SSUH2: variants seen among roughly 807,000 people sequenced by gnomAD.
SSUH2 encodes ssu-2 homolog, also known as protein SSUH2 homolog.
In SSUH2, 47 loss-of-function variants were observed where a neutral mutation model predicts 55.3. The observed-to-expected ratio is 0.85, with a 90% confidence interval of 0.67 to 1.08. SSUH2 has a LOEUF of 1.08. Among genes scored for constraint, SSUH2 ranks in the 50% least tolerant of loss-of-function variants. The probability of loss-of-function intolerance (pLI) is 0.00; values close to 1 mark genes in which losing one functional copy is unlikely to be tolerated. For missense variants in SSUH2, 535 were observed against 490.7 expected, an observed-to-expected ratio of 1.09 and a Z score of -0.85; for synonymous variants, 212 against 191.5, an observed-to-expected ratio of 1.11 and a Z score of -0.89.
chr3:8,679,492 T>C (rs1705802693), intron 2 of SSUH2, among the ~76,000 whole-genome samples: 2 of 147,688 alleles, frequency 1.4e-5, no homozygotes, highest in African/African-American at 2.5e-5. Context: ...CCAGCCCCTA[T>C]TCCCCCCCTG....
chr3:8,679,324 GCCCCTCTTCCC>G (rs1575415238), intron 2 of SSUH2, among the ~76,000 whole-genome samples: 2 of 40,480 alleles, frequency 4.9e-5, no homozygotes, highest in East Asian at 1.5e-3. Context: ...CTAAGAGCCA[GCCCCTCTTCCC>G]GCCCCTTGCT....
intron 3 of SSUH2, among the ~76,000 whole-genome samples, chr3:8,673,821 T>C (rs115635203): frequency 0.08 from 12,101 of 152,110 alleles, 1,519 homozygotes; most frequent in African/African-American, 0.27. Flanking sequence ...GGAAGCTCTC[T>C]TGGAAGCATT....
chr3:8,681,131 T>C (rs1302153034), intron 1 of SSUH2, among the ~76,000 whole-genome samples: 1 of 104,106 alleles, frequency 9.6e-6, no homozygotes, highest in Non-Finnish European at 2.3e-5. Context: ...CAGCCCCTCT[T>C]CCCCCCCTGC....
chr3:8,654,958 A>G lies in SSUH2; in HGVS notation c.-307+3967T>C, dbSNP rs1327851679. The stretch of plus-strand genomic sequence containing the variant: ...ATCACAGTGGGTGGCCTCATCCCCC[A>G]GTCTCAGTGTGTGGCCTCCCCAAGA... On this transcript the variant is annotated intron_variant, in intron 7 of 18. Coordinates refer to the SSUH2 transcript ENST00000317371. 1.1e-3 allele frequency among the ~76,000 whole-genome samples: 53 copies of G among 48,986 alleles called. 1 individual carries two copies. The highest frequency in any genetic ancestry group is 9.1e-3 in the South Asian group (7 of 768). The allele number at this position is 48,986 out of a possible 152,430, so 32.1% of individuals were successfully genotyped here.
At chr3:8,640,451 AATTTGGCAGGTAAGGTCCCTAC>A (rs1327673843) in intron 1 of SSUH2, among the ~76,000 whole-genome samples, 1 of 152,142 alleles carries the variant, frequency 6.6e-6, no homozygotes, top group Non-Finnish European at 1.5e-5. Flanking sequence ...CAAGCTCCTG[AATTTGGCAGGTAAGGTCCCTAC>A]ATTAGATGCC....
intron 11 of SSUH2, 96 bp downstream of exon 11, chr3:8,623,453 A>T: frequency 2.5e-6 from 2 of 805,714 alleles, no homozygotes; most frequent in Non-Finnish European, 4.2e-6. Context: ...CCTCACCTCT[A>T]CGTCCTCATC....
intron 1 of SSUH2, chr3:8,639,947 C>T: frequency 1.0e-6 from 1 of 985,084 alleles, no homozygotes; most frequent in Non-Finnish European, 1.2e-6. Context: ...AGCAAACCTA[C>T]CACGATGGGT....
Position 8,633,709 on chromosome 3 carries a change from C to T in SSUH2, c.296G>A (p.Gly99Glu). 6.5e-7 allele frequency: 1 copy of T among 1,549,012 alleles called. No individual in the cohort carries two copies. The highest frequency in any genetic ancestry group is 8.7e-7 in the Non-Finnish European group (1 of 1,147,520). Residue 99 changes from glycine (G) to glutamate (E), a missense_variant, in exon 4 of 12, where the codon GGA becomes GAA. Physicochemically the swap from Gly to Glu is moderately conservative, Grantham distance 98 (BLOSUM62 -2). Coordinates refer to ENST00000544814, the MANE Select transcript of SSUH2 (RefSeq NM_001256748.3). ...CTTCAGCTCCTGGATGACGAGGTCT[C>T]CAGCCACCGTGCTGCTGTAGCAGCA... ...SKCCYSSTVA[G>E]DLVIQELKRQ...
intron 10 of SSUH2, among the ~76,000 whole-genome samples, chr3:8,624,991 C>A (rs959121297): frequency 1.4e-4 from 22 of 152,272 alleles, no homozygotes; most frequent in African/African-American, 4.6e-4. Context: ...TTTCCCACCT[C>A]CAGCTGGAAC....
chr3:8,627,562 G>A, intron 8 of SSUH2, 136 bp downstream of exon 8: 1 of 585,504 alleles, frequency 1.7e-6, no homozygotes, highest in South Asian at 4.8e-5. Flanking sequence ...TAACCACAGA[G>A]CACCTACTAC....
intron 6 of SSUH2, chr3:8,663,662 C>G (rs1703712599): frequency 5.5e-6 from 2 of 363,158 alleles, no homozygotes; most frequent in South Asian, 4.1e-5. Context: ...CCAGGGGGTG[C>G]TAGGAATGTG....
At chr3:8,620,266 T>C (rs1456059750) in intron 11 of SSUH2, among the ~76,000 whole-genome samples, 1 of 152,174 alleles carries the variant, frequency 6.6e-6, no homozygotes, top group Non-Finnish European at 1.5e-5. Context: ...ATTCTCATGA[T>C]AGTGAGTAAG....
In SSUH2 at chr3:8,625,547, A is replaced by C. The variant is rs1448738309; in HGVS notation, c.868T>G (p.Ser290Ala). Residue 290 changes from serine (S) to alanine (A), a missense_variant, in exon 10 of 12, where the codon TCG (serine) becomes GCG (alanine). Ser to Ala is a moderately conservative substitution (Grantham distance 99, BLOSUM62 1). Coordinates refer to ENST00000544814, the MANE Select transcript of SSUH2 (RefSeq NM_001256748.3). ...KGENLFKDEN[S>A]VVYPIVDFPL... ...CATCTACAATGCCCTCTTACCACCG[A>C]GTTTTCATCCTTAAAGAGGTTTTCT... is the stretch of plus-strand genomic sequence containing the variant. The C allele has an allele frequency of 6.2e-7, 1 of 1,609,476 alleles. No individual in the cohort carries two copies. Among genetic ancestry groups the C allele is most frequent in the Non-Finnish European group, 8.5e-7 (1 of 1,175,936 alleles).
chr3:8,624,731 G>T (rs957609594), intron 10 of SSUH2, among the ~76,000 whole-genome samples: 4 of 152,210 alleles, frequency 2.6e-5, no homozygotes, highest in African/African-American at 9.6e-5. Flanking sequence ...AATGCGTGGG[G>T]CTGTGTTCCA....
chr3:8,658,149 A>C (rs435232), intron 7 of SSUH2, among the ~76,000 whole-genome samples: 58,914 of 152,210 alleles, frequency 0.39, 12,402 homozygotes, highest in East Asian at 0.6. Flanking sequence ...ACTGGGGATG[A>C]CCCTCATGGA....
intron 9 of SSUH2, 105 bp from the exon 10 acceptor site, chr3:8,625,752 G>C: frequency 2.7e-6 from 2 of 732,692 alleles, no homozygotes; most frequent in South Asian, 3.3e-5. Flanking sequence ...ATTGCTACTG[G>C]AGGGACCTTG....
At chr3:8,643,256 GA>G (rs1186303078) in intron 1 of SSUH2, among the ~76,000 whole-genome samples, 2 of 152,096 alleles carry the variant, frequency 1.3e-5, no homozygotes, top group Non-Finnish European at 2.9e-5. Flanking sequence ...AAAATTATGG[GA>G]AATGAAATTC....
Position 8,619,995 on chromosome 3 carries a change from A to G in SSUH2, c.1001T>C (p.Ile334Thr). The stretch of plus-strand genomic sequence containing the variant: ...CCAATAGTGAACTTCTGTGAGGGGG[A>G]TCAGCTCAATGGTCTGGCGCTGAGG... Reference protein sequence around the residue: ...VLQQRQTIELIPLTEVHYWYQ... With the variant: ...VLQQRQTIELTPLTEVHYWYQ... Residue 334 changes from isoleucine (I) to threonine (T), a missense_variant, in exon 12 of 12, where the codon ATC (isoleucine) becomes ACC (threonine). Ile to Thr is a moderately conservative substitution (Grantham distance 89). Coordinates refer to ENST00000544814, the MANE Select transcript of SSUH2 (RefSeq NM_001256748.3). The G allele has an allele frequency of 6.2e-7, 1 of 1,614,054 alleles. No homozygotes were observed. The highest frequency in any genetic ancestry group is 1.7e-5 in the Admixed American group (1 of 60,006).
intron 5 of SSUH2, among the ~76,000 whole-genome samples, chr3:8,666,423 C>G (rs553247363): frequency 2.0e-5 from 3 of 152,182 alleles, no homozygotes; most frequent in Non-Finnish European, 2.9e-5. Flanking sequence ...GAGATGCAGA[C>G]CGTCAGGGAA....
Sources: allele counts gnomAD v4.1 joint callset (sites outside exome capture counted in the v4.1 genomes callset), GRCh38; gene constraint gnomAD v4.1.1; transcripts MANE v1.5; gene names NCBI Gene and HGNC (gene_info 2026-07-23, HGNC 2026-07-21).